C6orf89: variants seen among roughly 807,000 people sequenced by gnomAD.
C6orf89 encodes chromosome 6 open reading frame 89, also known as bombesin receptor-activated protein C6orf89.
C6orf89 carries 29 observed loss-of-function variants against 40.7 expected under a neutral mutation model. The observed-to-expected ratio is 0.71, with a 90% CI of 0.53 to 0.97. The LOEUF (loss-of-function observed/expected upper bound fraction) is 0.97. C6orf89 is among the 50% of genes least tolerant of loss of function. C6orf89 has a pLI of 0.00. For missense variants in C6orf89, 392 were observed against 429.1 expected (o/e 0.91, Z 0.76); for synonymous variants, 165 against 152.2 (o/e 1.08, Z -0.62).
chr6:36,907,496 A>G (rs998033686), intron 4 of C6orf89, among the ~76,000 whole-genome samples: 5 of 152,170 alleles, frequency 3.3e-5, no homozygotes, highest in Admixed American at 2.6e-4. Flanking sequence ...CAACTTGTAA[A>G]GAAGGGTGGA....
At chr6:36,880,998 G>A (rs1323892600), upstream of C6orf89, among the ~76,000 whole-genome samples, 6 of 152,306 alleles carry the variant, frequency 3.9e-5, no homozygotes, top group African/African-American at 1.2e-4. Context: ...ATGCCACCAT[G>A]ACTCTTAACT....
upstream of C6orf89, among the ~76,000 whole-genome samples, chr6:36,883,866 T>C (rs138126355): frequency 3.9e-3 from 590 of 152,368 alleles, 2 homozygotes; most frequent in African/African-American, 0.013. Flanking sequence ...CTTTAAATTC[T>C]CCTTTGAAAA....
intron 1 of C6orf89, among the ~76,000 whole-genome samples, chr6:36,894,104 AATGATG>A (rs1306834229): frequency 2.6e-5 from 4 of 151,928 alleles, no homozygotes; most frequent in Non-Finnish European, 5.9e-5. Context: ...CATCAAAAAT[AATGATG>A]ATTAATCCTG....
intron 3 of C6orf89, among the ~76,000 whole-genome samples, chr6:36,901,727 G>A (rs1454911590): frequency 2.0e-5 from 3 of 151,158 alleles, no homozygotes; most frequent in African/African-American, 7.3e-5. Flanking sequence ...CTGGAGTGCA[G>A]TGGCGCGATC....
At chr6:36,919,365 G>A (rs1321051672) in intron 7 of C6orf89, among the ~76,000 whole-genome samples, 1 of 152,192 alleles carries the variant, frequency 6.6e-6, no homozygotes, top group Non-Finnish European at 1.5e-5. Flanking sequence ...TTTTACTCTG[G>A]TCTTAGTACC....
intron 4 of C6orf89, among the ~76,000 whole-genome samples, chr6:36,909,158 A>T (rs1254675272): frequency 2.0e-5 from 3 of 148,174 alleles, no homozygotes; most frequent in Non-Finnish European, 4.4e-5. Flanking sequence ...CTATAATTTA[A>T]CCATTTTCTA....
chr6:36,882,985 C>G (rs1467239787), upstream of C6orf89, among the ~76,000 whole-genome samples: 1 of 151,716 alleles, frequency 6.6e-6, no homozygotes, highest in Non-Finnish European at 1.5e-5. Context: ...ATGATCCACC[C>G]GCCTCGGCCT....
chr6:36,894,023 CAAAA>C (rs779616350), intron 1 of C6orf89, among the ~76,000 whole-genome samples: 3 of 60,624 alleles, frequency 4.9e-5, no homozygotes, highest in East Asian at 1.1e-3. Context: ...GACTCTGTCT[CAAAA>C]AAAAAAAAAA....
chr6:36,892,409 C>T (rs1281476600), intron 1 of C6orf89, among the ~76,000 whole-genome samples: 1 of 152,110 alleles, frequency 6.6e-6, no homozygotes, highest in East Asian at 1.9e-4. Context: ...CAGGCGTGAT[C>T]GTAACTCACT....
chr6:36,901,325 T>TATTATTATTATTACTA (rs1561865544), intron 3 of C6orf89, among the ~76,000 whole-genome samples: 1 of 38,862 alleles, frequency 2.6e-5, no homozygotes, highest in African/African-American at 1.4e-4. Context: ...ATTATTATTT[T>TATTATTATTATTACTA]TTTTTTTTTT....
intron 6 of C6orf89, among the ~76,000 whole-genome samples, chr6:36,916,123 C>T (rs1762311564): frequency 6.6e-6 from 1 of 152,216 alleles, no homozygotes; most frequent in East Asian, 1.9e-4. Flanking sequence ...CCCGCCTGGC[C>T]TGCTGTTACT....
At chr6:36,879,086 GGATCCACTTGTGTCTATT>G (rs1774734494) in exon 2 of C6orf89, 1 of 153,712 alleles carries the variant, frequency 6.5e-6, no homozygotes, top group African/African-American at 2.4e-5. Flanking sequence ...GGTACCTGCA[GGATCCACTTGTGTCTATT>G]GATCTCTCAC....
chr6:36,886,919 G>T (rs1386074911), intron 1 of C6orf89, among the ~76,000 whole-genome samples: 1 of 152,178 alleles, frequency 6.6e-6, no homozygotes, highest in Non-Finnish European at 1.5e-5. Flanking sequence ...AAAGGTTCAT[G>T]TAGCCCAACT....
intron 3 of C6orf89, among the ~76,000 whole-genome samples, chr6:36,901,312 A>ATTTTTTTTTTTTTTTTTT (rs1554136270): frequency 6.2e-5 from 4 of 64,662 alleles, no homozygotes; most frequent in South Asian, 4.1e-4. Context: ...TATTATTATT[A>ATTTTTTTTTTTTTTTTTT]TTATTATTAT....
intron 1 of C6orf89, among the ~76,000 whole-genome samples, chr6:36,890,607 C>T (rs1459182558): frequency 6.6e-6 from 1 of 152,174 alleles, no homozygotes; most frequent in Non-Finnish European, 1.5e-5. Context: ...GATCTCTGCT[C>T]ACTGCAACCT....
intron 1 of C6orf89, among the ~76,000 whole-genome samples, chr6:36,889,699 A>G (rs1419864593): frequency 6.6e-6 from 1 of 152,216 alleles, no homozygotes; most frequent in Non-Finnish European, 1.5e-5. Flanking sequence ...ATTTTTAAAT[A>G]GCTATATGAT....
chr6:36,885,938 G>A, upstream of C6orf89: 2 of 1,208,918 alleles, frequency 1.7e-6, no homozygotes, highest in Middle Eastern at 2.5e-4. Flanking sequence ...CTTCCGGGTC[G>A]CGCTCCCGGA....
rs539511239 is a variant in C6orf89, at chr6:36,906,446, A to T, written c.403+4012A>T. 4.6e-5 allele frequency among the ~76,000 whole-genome samples: 7 copies of T among 152,336 alleles called. No homozygotes were observed. The South Asian group carries it at 1.0e-3, about 23-fold the overall frequency. On this transcript the variant is annotated intron_variant, in intron 4 of 8. Coordinates refer to ENST00000480824, the MANE Select transcript of C6orf89 (RefSeq NM_001286635.2). ...GTTCATTTCAAAGATGAGGAAACTG[A>T]TGTGCAAGGGGATTGACTGACTTAT...
chr6:36,877,964 C>T (rs898170169), intron 1 of C6orf89, among the ~76,000 whole-genome samples: 1 of 152,246 alleles, frequency 6.6e-6, no homozygotes, highest in African/African-American at 2.4e-5. Flanking sequence ...TGTAGTCCAA[C>T]ATATGCATTT....
Sources: gnomAD v4.1 joint callset for allele counts (sites outside exome capture counted in the v4.1 genomes callset) on GRCh38, gnomAD v4.1.1 for gene constraint, MANE v1.5 for transcripts, NCBI Gene and HGNC (gene_info 2026-07-23, HGNC 2026-07-21) for gene names.